GSTA3: variants seen among roughly 807,000 people sequenced by gnomAD.
GSTA3 encodes the protein glutathione S-transferase alpha 3, also known as glutathione S-transferase A3.
Under a neutral mutation model 23.1 loss-of-function variants are expected in GSTA3, and 16 were observed. The ratio of observed to expected loss-of-function variants is 0.69; its 90% CI spans 0.47 to 1.05. The LOEUF (loss-of-function observed/expected upper bound fraction) is 1.05, where lower values mean the gene tolerates loss of function less well. GSTA3 is among the 50% of genes least tolerant of loss of function. The pLI is 0.00. For missense variants in GSTA3, 319 were observed against 263.6 expected, an observed-to-expected ratio of 1.21 and a Z score of -1.46; for synonymous variants, 122 against 91.0, an observed-to-expected ratio of 1.34 and a Z score of -1.94.
At chr6:52,901,462 C>A (rs1047433838) in intron 4 of GSTA3, among the ~76,000 whole-genome samples, 2 of 152,174 alleles carry the variant, frequency 1.3e-5, no homozygotes, top group Non-Finnish European at 2.9e-5. Context: ...TACTTCATTT[C>A]TTTTCATGAG....
rs964819176 is a variant in GSTA3, at chr6:52,902,274, C to G, written c.272+72G>C. ...CCTGGTCATGATGCCCTGTCATGGT[C>G]TCACCCACTCAAGGAAGGACCTAAA... On this transcript the variant is annotated intron_variant, in intron 4 of 6. Coordinates refer to ENST00000211122, the MANE Select transcript of GSTA3 (RefSeq NM_000847.5). The G allele has an allele frequency of 3.1e-6, 5 of 1,587,582 alleles. No homozygotes were observed. The African/African-American group carries it at 6.8e-5, about 21-fold the overall frequency.
intron 5 of GSTA3, among the ~76,000 whole-genome samples, chr6:52,898,619 C>T (rs1015727291): frequency 4.6e-5 from 7 of 152,184 alleles, no homozygotes; most frequent in Non-Finnish European, 7.3e-5. Context: ...GCCTTGTCTG[C>T]TTTCCTCATT....
chr6:52,899,913 A>G, intron 5 of GSTA3, 21 bp downstream of exon 5: 8 of 1,613,400 alleles, frequency 5.0e-6, no homozygotes, highest in East Asian at 2.2e-5. Context: ...GTGCCCCAAA[A>G]TGCTGAACAG....
rs139832125 is a variant in GSTA3, at chr6:52,896,839, A to G, written c.636T>C (p.Ala212=). 297 of 1,614,128 alleles carry G rather than the reference A, an allele frequency of 1.8e-4. No homozygotes were observed. In the African/African-American group the frequency reaches 3.6e-3, roughly 20 times the overall value. The stretch of plus-strand genomic sequence containing the variant: ...TGAAAATCTTTCTGGCTTCTTCTAA[A>G]GCTTTTGCATCTGCGGGAGGCTTCC... ...SPRKPPADAK[A]LEEARKIFRF is the part of the protein sequence containing the mutation. Residue 212 remains alanine, a synonymous_variant, in exon 7 of 7, where the codon GCT becomes GCC. Transcript: ENST00000211122.
Position 52,902,488 on chromosome 6 carries a change from G to C in GSTA3, c.140-10C>G. The C allele has an allele frequency of 1.3e-6, 2 of 1,585,010 alleles. No homozygotes were observed. Among genetic ancestry groups the C allele is most frequent in the African/African-American group, 1.4e-5 (1 of 72,880 alleles). ...AACATCAAACTCCCATCTTTAGAAA[G>C]AAGGAAAAAAAAGGAACATGAAATT... On this transcript the variant is annotated splice_polypyrimidine_tract_variant and intron_variant, in intron 3 of 6. Coordinates refer to ENST00000211122, the MANE Select transcript of GSTA3 (RefSeq NM_000847.5).
chr6:52,903,963 G>A (rs1355796046), intron 2 of GSTA3, among the ~76,000 whole-genome samples: 1 of 152,006 alleles, frequency 6.6e-6, no homozygotes, highest in Non-Finnish European at 1.5e-5. Flanking sequence ...GGTCAGAACT[G>A]CTCAATCTTC....
chr6:52,898,043 T>C, intron 5 of GSTA3, 87 bp from the exon 6 acceptor site: 1 of 1,473,310 alleles, frequency 6.8e-7, no homozygotes, highest in South Asian at 1.2e-5. Flanking sequence ...AGCCTGACAT[T>C]CCCACCTGTG....
chr6:52,901,757 G>C (rs1305936181), intron 4 of GSTA3, among the ~76,000 whole-genome samples: 1 of 152,184 alleles, frequency 6.6e-6, no homozygotes, highest in Admixed American at 6.5e-5. Flanking sequence ...CAACAGTGAG[G>C]AGACCCCATG....
In GSTA3 at chr6:52,897,081, G is replaced by A. The variant is rs186675958; in HGVS notation, c.547-153C>T. ...CAGAAACAGACACCCAGTGATAAAT[G>A]AAGATAAGAGGAAGAACATGTAGCT... On this transcript the variant is annotated intron_variant, in intron 6 of 6. Transcript: ENST00000211122. Among the ~76,000 whole-genome samples, 238 of 152,306 alleles carry A rather than the reference G, an allele frequency of 1.6e-3. 4 individuals are homozygous for A. Among genetic ancestry groups the A allele is most frequent in the Middle Eastern group, 6.8e-3 (2 of 294 alleles).
At chr6:52,900,236 G>C (rs971341038) in intron 4 of GSTA3, among the ~76,000 whole-genome samples, 161 bp from the exon 5 acceptor site, 1 of 149,526 alleles carries the variant, frequency 6.7e-6, no homozygotes, top group African/African-American at 2.5e-5. Flanking sequence ...TTGCATGTAT[G>C]TTGACGTTTC....
chr6:52,900,258 CTTTT>C (rs1291353024), intron 4 of GSTA3, among the ~76,000 whole-genome samples, 183 bp from the exon 5 acceptor site: 1 of 144,170 alleles, frequency 6.9e-6, no homozygotes, highest in African/African-American at 2.7e-5. Flanking sequence ...TTCTTTCTTT[CTTTT>C]TCTTTTTTTT....
intron 1 of GSTA3, among the ~76,000 whole-genome samples, chr6:52,906,268 A>G (rs1274292393): frequency 6.6e-6 from 1 of 152,152 alleles, no homozygotes; most frequent in Non-Finnish European, 1.5e-5. Context: ...GTTTGTAATG[A>G]ATATGTTGAA....
chr6:52,902,615 G>C (rs1287507047), intron 3 of GSTA3, 137 bp from the exon 4 acceptor site: 3 of 864,054 alleles, frequency 3.5e-6, no homozygotes, highest in Non-Finnish European at 1.8e-6. Context: ...AAACGAAATA[G>C]TATTTTGATT....
chr6:52,900,257 T>C (rs1561952180), intron 4 of GSTA3, among the ~76,000 whole-genome samples, 182 bp from the exon 5 acceptor site: 1 of 148,868 alleles, frequency 6.7e-6, no homozygotes, highest in Admixed American at 6.6e-5. Flanking sequence ...CTTCTTTCTT[T>C]CTTTTTCTTT....
At chr6:52,902,311 T>A in intron 4 of GSTA3, 35 bp downstream of exon 4, 2 of 1,610,936 alleles carry the variant, frequency 1.2e-6, no homozygotes, top group Non-Finnish European at 1.7e-6. Context: ...CACTCTGTGT[T>A]CTCTGTGGAT....
intron 1 of GSTA3, 63 bp from the exon 2 acceptor site, chr6:52,905,918 G>T (rs767115019): frequency 1.9e-5 from 14 of 733,216 alleles, no homozygotes; most frequent in Middle Eastern, 3.1e-4. Flanking sequence ...CAAAATGCAC[G>T]CTAGTATATG....
chr6:52,904,734 T>C (rs1428470400), intron 2 of GSTA3, among the ~76,000 whole-genome samples: 1 of 152,126 alleles, frequency 6.6e-6, no homozygotes, highest in Non-Finnish European at 1.5e-5. Context: ...CTGGGAAGTG[T>C]TTTTCTCAGT....
chr6:52,909,355 G>A (rs1765993507), intron 1 of GSTA3, among the ~76,000 whole-genome samples: 1 of 152,150 alleles, frequency 6.6e-6, no homozygotes, highest in Non-Finnish European at 1.5e-5. Context: ...TTTGGCATGT[G>A]GCCTGGCACT....
Position 52,903,686 on chromosome 6 carries a change from C to G in GSTA3, c.129G>C (p.Lys43Asn). Residue 43 changes from lysine to asparagine, a missense_variant, in exon 3 of 7, where the codon AAG (lysine) becomes AAC (asparagine). Lys to Asn is a moderately conservative substitution (Grantham distance 94). Coordinates refer to ENST00000211122, the MANE Select transcript of GSTA3 (RefSeq NM_000847.5). ...KFIGSAEDLG[K>N]LRNDGSLMFQ... ...GAGACTTGATCTTACCATTTCTTAA[C>G]TTTCCCAAATCTTCTGCAGATCCTA... is the stretch of plus-strand genomic sequence containing the variant. 1 of 1,576,540 alleles carries G rather than the reference C, an allele frequency of 6.3e-7. No individual in the cohort carries two copies. The highest frequency in any genetic ancestry group is 8.7e-7 in the Non-Finnish European group (1 of 1,146,714).
Sources: gnomAD v4.1 joint callset for allele counts (sites outside exome capture counted in the v4.1 genomes callset) on GRCh38, gnomAD v4.1.1 for gene constraint, MANE v1.5 for transcripts, NCBI Gene and HGNC (gene_info 2026-07-23, HGNC 2026-07-21) for gene names.